RAX2: variants seen among roughly 807,000 people sequenced by gnomAD.
RAX2 encodes retina and anterior neural fold homeobox 2.
In RAX2, 4 loss-of-function variants were observed where a neutral mutation model predicts 5.8. The ratio of observed to expected loss-of-function variants is 0.69; its 90% CI spans 0.34 to 1.58. The LOEUF is 1.58. Among genes scored for constraint, RAX2 ranks in the 40% most tolerant of loss-of-function variants. The probability of loss-of-function intolerance (pLI) is 0.05; values close to 1 mark genes in which losing one functional copy is unlikely to be tolerated. For synonymous variants in RAX2, 133 were observed against 128.8 expected (o/e 1.03, Z -0.22); for missense variants, 275 against 271.4 (o/e 1.01, Z -0.09).
chr19:3,772,091 C>T, intron 1 of RAX2, 72 bp downstream of exon 1: 1 of 456,400 alleles, frequency 2.2e-6, no homozygotes, highest in South Asian at 1.7e-5. Flanking sequence ...ACGCCCTAAG[C>T]CCTCCACCCT....
Position 3,770,851 on chromosome 19 carries a change from C to A in RAX2, c.325G>T (p.Ala109Ser), listed in dbSNP as rs1467659356. Residue 109 changes from alanine to serine, a missense_variant, in exon 3 of 3, where the codon GCC becomes TCC. By Grantham distance (99) the Ala-to-Ser change is moderately conservative. Transcript: ENST00000555633. ...GGCAGCGACATGGCCGGGGGGCGGG[C>A]GAACGGCAGCGCTGGGGCCTCGGGG... Reference protein sequence around the residue: ...RLPEAPALPFARPPAMSLPLE... With the variant: ...RLPEAPALPFSRPPAMSLPLE... The A allele has an allele frequency of 5.9e-6, 9 of 1,528,174 alleles. No homozygotes were observed. The highest frequency in any genetic ancestry group is 2.4e-5 in the South Asian group (2 of 83,792). 94.7% of individuals were successfully genotyped at this position (1,528,174 alleles called of 1,614,324 possible).
chr19:3,771,818 A>C lies in RAX2; in HGVS notation c.-76T>G. 6.7e-7 allele frequency: 1 copy of C among 1,490,588 alleles called. No homozygotes were observed. Among genetic ancestry groups the C allele is most frequent in the Non-Finnish European group, 8.9e-7 (1 of 1,120,960 alleles). 92.3% of individuals were successfully genotyped at this position (1,490,588 alleles called of 1,614,324 possible). A position where few individuals can be genotyped will look rare whatever the true frequency, so the allele number is the denominator to read the frequency against. On this transcript the variant is annotated 5_prime_UTR_variant, in exon 2 of 3. Transcript: ENST00000555633. The surrounding 1 kb of genome is among the most constrained non-coding windows in gnomAD (Gnocchi z 4.2). ...GGGGGGCTACCGGCAGGGACAGGGC[A>C]GGGGAGCCCCAGGCTTGCCTCCCGG...
In RAX2 at chr19:3,771,410, C is replaced by T; in HGVS notation, c.216+117G>A. On this transcript the variant is annotated intron_variant, in intron 2 of 2. Coordinates refer to ENST00000555633, the MANE Select transcript of RAX2 (RefSeq NM_001319074.4). This position sits in a 1 kb window ranked among gnomAD's most constrained non-coding sequence, Gnocchi z 4.2. ...ATGTCAAAACCTCAGCTCCCACACCCCCTCCTCCAGGAAGCCTTCCTAGCT... is the reference window on the plus strand; with the variant it reads ...ATGTCAAAACCTCAGCTCCCACACCTCCTCCTCCAGGAAGCCTTCCTAGCT... 1.2e-6 allele frequency: 1 copy of T among 835,434 alleles called. No individual in the cohort carries two copies. The highest frequency in any genetic ancestry group is 2.0e-6 in the Non-Finnish European group (1 of 512,268). The allele number at this position is 835,434 out of a possible 1,614,324, so 51.8% of individuals were successfully genotyped here.
Position 3,770,645 on chromosome 19 carries a change from CAG to C in RAX2, c.529_530del (p.Leu177GlyfsTer113). The C allele has an allele frequency of 6.5e-7, 1 of 1,534,654 alleles. No homozygotes were observed. The highest frequency in any genetic ancestry group is 8.7e-7 in the Non-Finnish European group (1 of 1,146,420). ...RLLAKEHAQA[L>X]DRAWPPA ...CTCAGGCTGGCGGCCAGGCCCTGTCCAGAGCCTGTGCATGTTCCTTGGCCAGC... is the reference window on the plus strand; with the variant it reads ...CTCAGGCTGGCGGCCAGGCCCTGTCCAGCCTGTGCATGTTCCTTGGCCAGC... On this transcript the variant is annotated frameshift_variant, in exon 3 of 3. Coordinates refer to ENST00000555633, the MANE Select transcript of RAX2 (RefSeq NM_001319074.4). LOFTEE classifies it low-confidence loss of function (END_TRUNC).
chr19:3,772,011 CTGTG>C lies in RAX2; in HGVS notation c.-268-5_-268-2del, dbSNP rs146304926. On this transcript the variant is annotated splice_acceptor_variant and splice_polypyrimidine_tract_variant and intron_variant, in intron 1 of 2. Transcript: ENST00000555633. LOFTEE classifies it low-confidence loss of function (5UTR_SPLICE). The stretch of plus-strand genomic sequence containing the variant: ...TTCCCCTCTCTGTGACTGTCACGGC[CTGTG>C]TGTGTGTGTGTCGGCGGGGGGGGGT... 3.6e-5 allele frequency: 19 copies of C among 524,526 alleles called. No homozygotes were observed. Among genetic ancestry groups the C allele is most frequent in the African/African-American group, 1.1e-4 (5 of 45,932 alleles). 32.5% of individuals were successfully genotyped at this position (524,526 alleles called of 1,614,324 possible). A position where few individuals can be genotyped will look rare whatever the true frequency, so the allele number is the denominator to read the frequency against.
chr19:3,770,464 C>T lies in RAX2; in HGVS notation c.*157G>A, dbSNP rs2037241315. 4.8e-6 allele frequency: 3 copies of T among 626,748 alleles called. No individual in the cohort carries two copies. The allele number at this position is 626,748 out of a possible 1,614,324, so 38.8% of individuals were successfully genotyped here. A position where few individuals can be genotyped will look rare whatever the true frequency, so the allele number is the denominator to read the frequency against. ...GACGGGATGGGGGCAGGGAACCCAG[C>T]AGCCTGTCTCTCTGGTCCCGCTCCC... On this transcript the variant is annotated 3_prime_UTR_variant, in exon 3 of 3. Transcript: ENST00000555633.
rs1053284032 is a variant in RAX2, at chr19:3,770,481, C to T, written c.*140G>A. The T allele has an allele frequency of 1.7e-5, 12 of 693,080 alleles. No individual in the cohort carries two copies. Among genetic ancestry groups the T allele is most frequent in the South Asian group, 1.9e-5 (1 of 51,808 alleles). 42.9% of individuals were successfully genotyped at this position (693,080 alleles called of 1,614,324 possible). On this transcript the variant is annotated 3_prime_UTR_variant, in exon 3 of 3. Coordinates refer to ENST00000555633, the MANE Select transcript of RAX2 (RefSeq NM_001319074.4). ...GAACCCAGCAGCCTGTCTCTCTGGT[C>T]CCGCTCCCCAGTGGTGGTGGCCTGG...
Position 3,771,568 on chromosome 19 carries a change from C to T in RAX2, c.175G>A (p.Glu59Lys), listed in dbSNP as rs1085307700. ...SHYPDVYSRE[E>K]LAAKVHLPEV... ...GGTAGGTGCACCTTGGCTGCCAGCT[C>T]CTCACGGCTGTACACATCCGGGTAG... is the stretch of plus-strand genomic sequence containing the variant. The change falls in exon 2 of 3, where the codon GAG becomes AAG. Residue 59 changes from glutamate (E) to lysine (K), a missense_variant. Transcript: ENST00000555633. The surrounding 1 kb of genome is among the most constrained non-coding windows in gnomAD (Gnocchi z 4.2). The T allele has an allele frequency of 6.2e-6, 10 of 1,610,268 alleles. No individual in the cohort carries two copies. Among genetic ancestry groups the T allele is most frequent in the East Asian group, 2.2e-5 (1 of 44,756 alleles).
chr19:3,770,016 T>C lies in RAX2; in HGVS notation c.*605A>G, dbSNP rs1028777617. 6.6e-6 allele frequency: 1 copy of C among 152,576 alleles called. No homozygotes were observed. The highest frequency in any genetic ancestry group is 1.5e-5 in the Non-Finnish European group (1 of 68,330). 9.5% of individuals were successfully genotyped at this position (152,576 alleles called of 1,614,324 possible). ...GCCGTGCGACTTTGGGGACCTGGCT[T>C]CCTGCCTAAGCCCCGGTTTCCCTCT... On this transcript the variant is annotated 3_prime_UTR_variant, in exon 3 of 3. Transcript: ENST00000555633.
Position 3,770,715 on chromosome 19 carries a change from G to A in RAX2, c.461C>T (p.Thr154Ile). ...CTCCAGGGCGAAGCCATCTGCGAAGGTGGGAGCAAAGGCATGAGGCCCGAA... is the reference window on the plus strand; with the variant it reads ...CTCCAGGGCGAAGCCATCTGCGAAGATGGGAGCAAAGGCATGAGGCCCGAA... Reference protein sequence around the residue: ...ASFGPHAFAPTFADGFALEEA... With the variant: ...ASFGPHAFAPIFADGFALEEA... The change falls in exon 3 of 3, where the codon ACC (threonine) becomes ATC (isoleucine). Residue 154 changes from threonine (T) to isoleucine (I), a missense_variant. Thr to Ile is a moderately conservative substitution (Grantham distance 89). Transcript: ENST00000555633. 6.5e-7 allele frequency: 1 copy of A among 1,535,766 alleles called. No homozygotes were observed. The highest frequency in any genetic ancestry group is 8.7e-7 in the Non-Finnish European group (1 of 1,146,364).
rs191051622 is a variant in RAX2, at chr19:3,770,882, C to T, written c.294G>A (p.Pro98=). 210 of 1,538,430 alleles carry T rather than the reference C, an allele frequency of 1.4e-4. No homozygotes were observed. The East Asian group carries it at 3.9e-3, about 29-fold the overall frequency. ...GCAGCGCTGGGGCCTCGGGGAGTCT[C>T]GGAGCTGCCACGGCACCCGAGCCTG... ...LESGSGAVAA[P]RLPEAPALPF... is the part of the protein sequence containing the mutation. The change falls in exon 3 of 3, where the codon CCG becomes CCA. Residue 98 remains proline (P), a synonymous_variant. Transcript: ENST00000555633.
Position 3,770,975 on chromosome 19 carries a change from G to C in RAX2, c.217-16C>G, listed in dbSNP as rs1321549398. The C allele has an allele frequency of 5.8e-6, 9 of 1,538,984 alleles. No individual in the cohort carries two copies. The highest frequency in any genetic ancestry group is 7.9e-6 in the Non-Finnish European group (9 of 1,144,736). ...GGAACCACACCTGGAGGGTGCGAGAGGGAAGGGGGGTTGCTGTGAGCTCAG... is the reference window on the plus strand; with the variant it reads ...GGAACCACACCTGGAGGGTGCGAGACGGAAGGGGGGTTGCTGTGAGCTCAG... On this transcript the variant is annotated splice_polypyrimidine_tract_variant and intron_variant, in intron 2 of 2. Coordinates refer to ENST00000555633, the MANE Select transcript of RAX2 (RefSeq NM_001319074.4).
At chr19:3,772,051 C>G (rs1224466064) in intron 1 of RAX2, 41 bp from the exon 2 acceptor site, 5 of 483,734 alleles carry the variant, frequency 1.0e-5, no homozygotes, top group African/African-American at 2.0e-5. Flanking sequence ...CAAGGATGCC[C>G]CCCCGTCAAG....
Position 3,770,798 on chromosome 19 carries a change from C to A in RAX2, c.378G>T (p.Pro126=). Residue 126 remains proline (P), a synonymous_variant, in exon 3 of 3, where the codon CCG becomes CCT. Coordinates refer to ENST00000555633, the MANE Select transcript of RAX2 (RefSeq NM_001319074.4). ...LPLEPWLGPG[P]PAVPGLPRLL... is the part of the protein sequence containing the mutation. ...GGCGGGGGAGGCCTGGCACGGCCGGCGGTCCGGGGCCCAACCAGGGCTCCA... is the reference window on the plus strand; with the variant it reads ...GGCGGGGGAGGCCTGGCACGGCCGGAGGTCCGGGGCCCAACCAGGGCTCCA... 1 of 1,515,436 alleles carries A rather than the reference C, an allele frequency of 6.6e-7. No homozygotes were observed. The highest frequency in any genetic ancestry group is 8.8e-7 in the Non-Finnish European group (1 of 1,138,604). The allele number at this position is 1,515,436 out of a possible 1,614,324, so 93.9% of individuals were successfully genotyped here. A position where few individuals can be genotyped will look rare whatever the true frequency, so the allele number is the denominator to read the frequency against.
chr19:3,771,873 GC>G lies in RAX2; in HGVS notation c.-132del. 1 of 1,448,480 alleles carries G rather than the reference GC, an allele frequency of 6.9e-7. No homozygotes were observed. Among genetic ancestry groups the G allele is most frequent in the Non-Finnish European group, 9.1e-7 (1 of 1,103,190 alleles). The allele number at this position is 1,448,480 out of a possible 1,614,324, so 89.7% of individuals were successfully genotyped here. On this transcript the variant is annotated 5_prime_UTR_variant, in exon 2 of 3. It removes the in-frame stop codon of an upstream open reading frame in the 5' UTR. Coordinates refer to ENST00000555633, the MANE Select transcript of RAX2 (RefSeq NM_001319074.4). This position sits in a 1 kb window ranked among gnomAD's most constrained non-coding sequence, Gnocchi z 4.2. ...GGGGAAATCGGTTCCCTCCACTGGG[GC>G]CGGCATGCGCTCTGCATCCCCAGGC...
rs372266287 is a variant in RAX2, at chr19:3,771,535, G to A, written c.208C>T (p.Arg70Cys). The A allele has an allele frequency of 1.1e-5, 18 of 1,599,442 alleles. No individual in the cohort carries two copies. Among genetic ancestry groups the A allele is most frequent in the South Asian group, 4.5e-5 (4 of 88,888 alleles). The change falls in exon 2 of 3, where the codon CGC becomes TGC. Residue 70 changes from arginine (R) to cysteine (C), a missense_variant. Arg to Cys is a radical substitution (Grantham distance 180, BLOSUM62 -3). Transcript: ENST00000555633. This position sits in a 1 kb window ranked among gnomAD's most constrained non-coding sequence, Gnocchi z 4.2. The part of the protein sequence containing the change: ...LAAKVHLPEV[R>C]VQVWFQNRRA... Reference sequence around the variant, plus strand: ...TTGGGGGGTGCCCTCACCTGCACGCGCACCTCAGGTAGGTGCACCTTGGCT... The same window carrying A: ...TTGGGGGGTGCCCTCACCTGCACGCACACCTCAGGTAGGTGCACCTTGGCT...
Position 3,771,978 on chromosome 19 carries a change from G to T in RAX2, c.-236C>A. 1.4e-6 allele frequency: 1 copy of T among 690,842 alleles called. No individual in the cohort carries two copies. Among genetic ancestry groups the T allele is most frequent in the Non-Finnish European group, 2.3e-6 (1 of 425,544 alleles). 42.8% of individuals were successfully genotyped at this position (690,842 alleles called of 1,614,324 possible). Reference sequence around the variant, plus strand: ...TCTCTCTGTGTGTGTCACCGTCCCTGTTTTCTCTTCCCCTCTCTGTGACTG... The same window carrying T: ...TCTCTCTGTGTGTGTCACCGTCCCTTTTTTCTCTTCCCCTCTCTGTGACTG... On this transcript the variant is annotated 5_prime_UTR_variant, in exon 2 of 3. Coordinates refer to ENST00000555633, the MANE Select transcript of RAX2 (RefSeq NM_001319074.4). The surrounding 1 kb of genome is among the most constrained non-coding windows in gnomAD (Gnocchi z 4.2).
chr19:3,771,502 T>C lies in RAX2; in HGVS notation c.216+25A>G, dbSNP rs764399073. ...GCCTCCCTCCCCAGGTTGCAAAAGATGTGTGTGTTGGGGGGTGCCCTCACC... is the reference window on the plus strand; with the variant it reads ...GCCTCCCTCCCCAGGTTGCAAAAGACGTGTGTGTTGGGGGGTGCCCTCACC... On this transcript the variant is annotated intron_variant, in intron 2 of 2. Coordinates refer to ENST00000555633, the MANE Select transcript of RAX2 (RefSeq NM_001319074.4). This position sits in a 1 kb window ranked among gnomAD's most constrained non-coding sequence, Gnocchi z 4.2. 6 of 1,553,630 alleles carry C rather than the reference T, an allele frequency of 3.9e-6. No homozygotes were observed. Among genetic ancestry groups the C allele is most frequent in the Non-Finnish European group, 5.2e-6 (6 of 1,143,272 alleles).
Position 3,771,513 on chromosome 19 carries a change from G to A in RAX2, c.216+14C>T. On this transcript the variant is annotated intron_variant, in intron 2 of 2. Coordinates refer to ENST00000555633, the MANE Select transcript of RAX2 (RefSeq NM_001319074.4). This position sits in a 1 kb window ranked among gnomAD's most constrained non-coding sequence, Gnocchi z 4.2. The stretch of plus-strand genomic sequence containing the variant: ...CAGGTTGCAAAAGATGTGTGTGTTG[G>A]GGGGTGCCCTCACCTGCACGCGCAC... 1 of 1,571,160 alleles carries A rather than the reference G, an allele frequency of 6.4e-7. No homozygotes were observed. The highest frequency in any genetic ancestry group is 8.7e-7 in the Non-Finnish European group (1 of 1,155,926).
Sources: gnomAD v4.1 joint callset for allele counts on GRCh38, gnomAD v4.1.1 for gene constraint, Gnocchi (gnomAD v3.1) non-coding constraint, MANE v1.5 for transcripts, NCBI Gene and HGNC (gene_info 2026-07-23, HGNC 2026-07-21) for gene names.